DENND5B: variants seen among roughly 807,000 people sequenced by gnomAD.
DENND5B encodes the protein DENN domain containing 5B.
In DENND5B, 34 loss-of-function variants were observed where a neutral mutation model predicts 140.6. That is an observed-to-expected ratio of 0.24 (90% CI 0.18 to 0.32). The LOEUF (loss-of-function observed/expected upper bound fraction) is 0.32. Ranked by LOEUF, DENND5B falls within the 10% of genes least tolerant of loss-of-function variation. DENND5B has a pLI of 1.00. For synonymous variants in DENND5B, 551 were observed against 562.1 expected, an observed-to-expected ratio of 0.98 and a Z score of 0.28; for missense variants, 1,142 against 1,560.2, an observed-to-expected ratio of 0.73 and a Z score of 4.52.
At chr12:31,458,893 T>C (rs1944894417) in intron 4 of DENND5B, among the ~76,000 whole-genome samples, 1 of 152,220 alleles carries the variant, frequency 6.6e-6, no homozygotes, top group Non-Finnish European at 1.5e-5. Context: ...AGACCTTACA[T>C]GGTAATCCTC....
chr12:31,445,209 T>C (rs1359351605), intron 6 of DENND5B, among the ~76,000 whole-genome samples: 1 of 152,142 alleles, frequency 6.6e-6, no homozygotes, highest in Non-Finnish European at 1.5e-5. Context: ...ATAAAATAAG[T>C]GTGGACTAGT....
At chr12:31,402,221 A>T (rs754085614) in intron 15 of DENND5B, among the ~76,000 whole-genome samples, 4 of 151,208 alleles carry the variant, frequency 2.6e-5, no homozygotes, top group Non-Finnish European at 5.9e-5. Flanking sequence ...TGCTTGCTAG[A>T]ATCTGTGCTA....
chr12:31,585,915 G>C (rs1302225238), intron 1 of DENND5B, among the ~76,000 whole-genome samples: 1 of 152,124 alleles, frequency 6.6e-6, no homozygotes, highest in Non-Finnish European at 1.5e-5. Context: ...GCTACCAAGG[G>C]AACACTTTAA....
intron 1 of DENND5B, among the ~76,000 whole-genome samples, chr12:31,584,598 T>A (rs1178695949): frequency 6.6e-6 from 1 of 152,050 alleles, no homozygotes; most frequent in Non-Finnish European, 1.5e-5. Flanking sequence ...GTGGACTGCT[T>A]GAGCTCAGGA....
intron 15 of DENND5B, among the ~76,000 whole-genome samples, chr12:31,401,474 A>G (rs1941794325): frequency 6.6e-6 from 1 of 152,170 alleles, no homozygotes; most frequent in Non-Finnish European, 1.5e-5. Context: ...AAGGAACATG[A>G]GAATGGGACA....
At chr12:31,538,535 A>G (rs1296512560) in intron 1 of DENND5B, among the ~76,000 whole-genome samples, 1 of 152,198 alleles carries the variant, frequency 6.6e-6, no homozygotes, top group Admixed American at 6.5e-5. Context: ...AGAACTAGAA[A>G]AGCAAGAGCA....
chr12:31,470,940 T>C (rs1227000266), intron 3 of DENND5B, among the ~76,000 whole-genome samples: 1 of 152,116 alleles, frequency 6.6e-6, no homozygotes, highest in East Asian at 1.9e-4. Context: ...TTACTGAAGG[T>C]AAAAGTAACT....
At chr12:31,441,486 C>T (rs540675061) in intron 7 of DENND5B, among the ~76,000 whole-genome samples, 1 of 151,700 alleles carries the variant, frequency 6.6e-6, no homozygotes, top group Admixed American at 6.6e-5. Context: ...CCGTGCCTGG[C>T]CCAAGTTTTT....
At chr12:31,509,181 T>C (rs1012715854) in intron 1 of DENND5B, among the ~76,000 whole-genome samples, 1 of 152,130 alleles carries the variant, frequency 6.6e-6, no homozygotes, top group East Asian at 1.9e-4. Flanking sequence ...ACCAAGAATC[T>C]CCACTTGCTG....
chr12:31,455,129 T>A (rs1267614049), intron 4 of DENND5B, among the ~76,000 whole-genome samples: 2 of 152,032 alleles, frequency 1.3e-5, no homozygotes, highest in Non-Finnish European at 2.9e-5. Flanking sequence ...CAATTCAGTA[T>A]CTTTAAAATG....
chr12:31,491,604 A>G (rs1434588662), intron 2 of DENND5B, among the ~76,000 whole-genome samples: 1 of 152,204 alleles, frequency 6.6e-6, no homozygotes, highest in Non-Finnish European at 1.5e-5. Flanking sequence ...AAACATGTCA[A>G]TGTTGACATA....
At chr12:31,457,461 T>A (rs1944825840) in intron 4 of DENND5B, among the ~76,000 whole-genome samples, 1 of 152,226 alleles carries the variant, frequency 6.6e-6, no homozygotes, top group Admixed American at 6.5e-5. Flanking sequence ...TGTTTAGAAG[T>A]CTTGTCACTA....
At chr12:31,477,299 C>T (rs928987435) in intron 3 of DENND5B, among the ~76,000 whole-genome samples, 11 of 152,168 alleles carry the variant, frequency 7.2e-5, no homozygotes, top group African/African-American at 2.6e-4. Flanking sequence ...AGCCTCTGCC[C>T]CTTCTAGCCA....
At chr12:31,508,777 A>C (rs1204049116) in intron 1 of DENND5B, among the ~76,000 whole-genome samples, 1 of 152,126 alleles carries the variant, frequency 6.6e-6, no homozygotes, top group Non-Finnish European at 1.5e-5. Context: ...CCAGATTTTA[A>C]AATAGTATTA....
chr12:31,526,375 A>G (rs1459519759), intron 1 of DENND5B, among the ~76,000 whole-genome samples: 6 of 152,162 alleles, frequency 3.9e-5, no homozygotes, highest in Admixed American at 3.9e-4. Context: ...AGAAGAGAAG[A>G]CGCTAGATAA....
intron 1 of DENND5B, among the ~76,000 whole-genome samples, chr12:31,586,792 A>G (rs1950408708): frequency 6.6e-6 from 1 of 152,228 alleles, no homozygotes; most frequent in African/African-American, 2.4e-5. Context: ...AAGACCTTCT[A>G]GAGGCACGGT....
chr12:31,588,611 T>C (rs1362631579), intron 1 of DENND5B, among the ~76,000 whole-genome samples: 3 of 152,104 alleles, frequency 2.0e-5, no homozygotes, highest in Non-Finnish European at 4.4e-5. Context: ...TACAGGAAAA[T>C]GTTCATAGGT....
intron 1 of DENND5B, among the ~76,000 whole-genome samples, chr12:31,520,801 A>C (rs1034621995): frequency 6.6e-6 from 1 of 152,118 alleles, no homozygotes; most frequent in Non-Finnish European, 1.5e-5. Flanking sequence ...CGGCCTCCCA[A>C]AGTGCTGGGA....
intron 1 of DENND5B, among the ~76,000 whole-genome samples, chr12:31,503,167 G>C (rs960890417): frequency 1.4e-4 from 21 of 152,172 alleles, no homozygotes; most frequent in African/African-American, 5.1e-4. Context: ...CTTCCCTTTA[G>C]TTTACAGGGA....
Sources: allele counts gnomAD v4.1 joint callset (sites outside exome capture counted in the v4.1 genomes callset), GRCh38; gene constraint gnomAD v4.1.1; transcripts MANE v1.5; gene names NCBI Gene and HGNC (gene_info 2026-07-23, HGNC 2026-07-21).